The following CLC variants were observed in gnomAD, a reference collection of about 807,000 sequenced individuals.
CLC encodes galectin-10.
CLC carries 15 observed loss-of-function variants against 13.9 expected under a neutral mutation model. The observed-to-expected ratio is 1.08, with a 90% CI of 0.72 to 1.66. The LOEUF (loss-of-function observed/expected upper bound fraction) is 1.66, where lower values mean the gene tolerates loss of function less well. CLC is among the 40% of genes most tolerant of loss of function. The probability of loss-of-function intolerance (pLI) is 0.00; values close to 1 mark genes in which losing one functional copy is unlikely to be tolerated. For missense variants in CLC, 161 were observed against 169.1 expected, an observed-to-expected ratio of 0.95 and a Z score of 0.27; for synonymous variants, 68 against 59.9, an observed-to-expected ratio of 1.14 and a Z score of -0.63.
chr19:39,736,341 G>T (rs1967309444), intron 1 of CLC, among the ~76,000 whole-genome samples: 1 of 152,176 alleles, frequency 6.6e-6, no homozygotes, highest in African/African-American at 2.4e-5. Flanking sequence ...ACACATTGCT[G>T]AGAGCACAAC....
intron 1 of CLC, among the ~76,000 whole-genome samples, chr19:39,736,689 C>T (rs897614558): frequency 4.0e-5 from 6 of 151,358 alleles, no homozygotes; most frequent in Non-Finnish European, 2.9e-5. Flanking sequence ...GTATGAGAAT[C>T]GCTTGAACCC....
At chr19:39,737,822 A>G in intron 1 of CLC, 116 bp downstream of exon 1, 1 of 1,102,324 alleles carries the variant, frequency 9.1e-7, no homozygotes. Flanking sequence ...CCACACACCC[A>G]CAACTCTCAG....
chr19:39,732,230 C>A (rs12977467), intron 3 of CLC, among the ~76,000 whole-genome samples: 3,544 of 80,710 alleles, frequency 0.044, 105 homozygotes, highest in Non-Finnish European at 0.061. Context: ...ATCCCTCCCC[C>A]CTCCCCCCAC....
In CLC at chr19:39,731,572, A is replaced by G. The variant is rs145576954; in HGVS notation, c.304-67T>C. 858 of 1,519,792 alleles carry G rather than the reference A, an allele frequency of 5.6e-4. 3 individuals are homozygous for G. In the African/African-American group the frequency reaches 0.01, roughly 18 times the overall value. The allele number at this position is 1,519,792 out of a possible 1,614,324, so 94.1% of individuals were successfully genotyped here. ...CAAACAAGCTTTCAGCCTGCTCTCT[A>G]TGGTGTCATAGTACCTGAAACATCC... is the stretch of plus-strand genomic sequence containing the variant. On this transcript the variant is annotated intron_variant, in intron 3 of 3. Coordinates refer to ENST00000221804, the MANE Select transcript of CLC (RefSeq NM_001828.6).
intron 3 of CLC, among the ~76,000 whole-genome samples, chr19:39,733,234 C>G (rs1967253279): frequency 6.6e-6 from 1 of 152,162 alleles, no homozygotes. Context: ...AGGATATTAT[C>G]TTTAACAGCG....
intron 3 of CLC, 179 bp downstream of exon 3, chr19:39,734,104 G>A (rs1193620338): frequency 5.1e-6 from 5 of 981,478 alleles, no homozygotes; most frequent in Non-Finnish European, 6.1e-6. Context: ...ACCCCTGTGT[G>A]TGTGATAAAA....
At chr19:39,737,283 C>A (rs552811824) in intron 1 of CLC, among the ~76,000 whole-genome samples, 126 of 151,690 alleles carry the variant, frequency 8.3e-4, no homozygotes, top group African/African-American at 3.0e-3. Context: ...GCATTCTGCT[C>A]TCATAAATGC....
chr19:39,733,933 G>A (rs1048286984), intron 3 of CLC: 3 of 984,494 alleles, frequency 3.0e-6, no homozygotes, highest in East Asian at 2.3e-4. Flanking sequence ...ATAAGGGGAA[G>A]ATAGAGGATA....
intron 1 of CLC, among the ~76,000 whole-genome samples, chr19:39,735,912 G>C (rs918598952): frequency 6.6e-6 from 1 of 152,030 alleles, no homozygotes; most frequent in African/African-American, 2.4e-5. Context: ...AACAACTTTG[G>C]GTTAGTTTCA....
chr19:39,737,548 T>C (rs1967331790), intron 1 of CLC, among the ~76,000 whole-genome samples: 1 of 152,026 alleles, frequency 6.6e-6, no homozygotes, highest in Admixed American at 6.6e-5. Flanking sequence ...AAGATGCTCA[T>C]GCACTGGTCC....
intron 3 of CLC, among the ~76,000 whole-genome samples, chr19:39,732,460 A>C (rs1967241104): frequency 1.3e-5 from 1 of 76,228 alleles, no homozygotes; most frequent in Non-Finnish European, 2.7e-5. Context: ...TATGTGCCAC[A>C]TTTTCTTAAT....
chr19:39,734,053 C>T (rs546203990), intron 3 of CLC: 2 of 985,344 alleles, frequency 2.0e-6, no homozygotes, highest in African/African-American at 1.7e-5. Context: ...CAAGCAACAA[C>T]ACCTGTTGAA....
chr19:39,733,796 G>A, intron 3 of CLC: 1 of 249,140 alleles, frequency 4.0e-6, no homozygotes, highest in Non-Finnish European at 6.3e-6. Flanking sequence ...GAAGAGTAGA[G>A]AAGCTAGTAA....
At chr19:39,734,944 G>A (rs1967286573) in intron 2 of CLC, 53 bp downstream of exon 2, 1 of 1,378,420 alleles carries the variant, frequency 7.3e-7, no homozygotes, top group Admixed American at 1.7e-5. Flanking sequence ...CACCCCCTTA[G>A]AAAATATTCT....
intron 1 of CLC, among the ~76,000 whole-genome samples, chr19:39,737,066 A>G (rs565701863): frequency 6.6e-6 from 1 of 152,030 alleles, no homozygotes; most frequent in South Asian, 2.1e-4. Flanking sequence ...TGGGTGATTC[A>G]GTCTCTTAAA....
intron 1 of CLC, among the ~76,000 whole-genome samples, chr19:39,736,494 G>A (rs879834562): frequency 1.3e-5 from 2 of 152,124 alleles, no homozygotes; most frequent in Non-Finnish European, 2.9e-5. Flanking sequence ...CTCACTGCAG[G>A]CTGGGCGTGG....
chr19:39,737,854 T>G, intron 1 of CLC, 84 bp downstream of exon 1: 1 of 1,386,584 alleles, frequency 7.2e-7, no homozygotes, highest in Admixed American at 1.9e-5. Flanking sequence ...CAGTAGAAAT[T>G]TTCATATTTT....
chr19:39,734,587 G>T, intron 2 of CLC, 94 bp from the exon 3 acceptor site: 9 of 1,059,220 alleles, frequency 8.5e-6, no homozygotes, highest in Non-Finnish European at 1.3e-5. Flanking sequence ...CCGTGGTCGA[G>T]CAAAGACTTG....
At chr19:39,733,848 T>C in intron 3 of CLC, 1 of 734,282 alleles carries the variant, frequency 1.4e-6, no homozygotes, top group Non-Finnish European at 1.7e-6. Flanking sequence ...GAAGTCTTCA[T>C]ATTGGACTGA....
Sources: allele counts gnomAD v4.1 joint callset (sites outside exome capture counted in the v4.1 genomes callset), GRCh38; gene constraint gnomAD v4.1.1; transcripts MANE v1.5; gene names NCBI Gene and HGNC (gene_info 2026-07-23, HGNC 2026-07-21).